Variants in TENT4A observed in about 807,000 individuals in gnomAD.
TENT4A encodes the protein DNA polymerase kappa.
A neutral mutation model predicts 72.8 loss-of-function variants in TENT4A; 7 were observed. The observed-to-expected ratio is 0.10, with a 90% CI of 0.05 to 0.18. The LOEUF (loss-of-function observed/expected upper bound fraction) is 0.18. Ranked by LOEUF, TENT4A falls within the 10% of genes least tolerant of loss-of-function variation. The pLI is 1.00. For missense variants in TENT4A, 831 were observed against 1,017.7 expected, an observed-to-expected ratio of 0.82 and a Z score of 2.50; for synonymous variants, 456 against 434.3, an observed-to-expected ratio of 1.05 and a Z score of -0.62.
At chr5:6,720,880 A>C (rs906995990) in intron 1 of TENT4A, among the ~76,000 whole-genome samples, 1 of 152,008 alleles carries the variant, frequency 6.6e-6, no homozygotes. Context: ...CAGTTCTCTT[A>C]AGTTGATAGC....
chr5:6,743,634 C>T, intron 5 of TENT4A, 78 bp from the exon 6 acceptor site: 1 of 1,185,750 alleles, frequency 8.4e-7, no homozygotes, highest in Non-Finnish European at 1.2e-6. Context: ...TCCTTTCTGT[C>T]TTGTGTGATT....
chr5:6,751,036 A>G lies in TENT4A; in HGVS notation c.1861-3A>G. The G allele has an allele frequency of 6.2e-7, 1 of 1,613,812 alleles. No individual in the cohort carries two copies. The highest frequency in any genetic ancestry group is 8.5e-7 in the Non-Finnish European group (1 of 1,179,768). The stretch of plus-strand genomic sequence containing the variant: ...CCTTTTTGTTTTTTGTACCGGGTTC[A>G]AGGATTCAGACACACCGCCCTGCAC... On this transcript the variant is annotated splice_region_variant and splice_polypyrimidine_tract_variant and intron_variant, in intron 10 of 12. Coordinates refer to ENST00000230859, the MANE Select transcript of TENT4A (RefSeq NM_006999.6).
intron 2 of TENT4A, 93 bp from the exon 3 acceptor site, chr5:6,738,590 G>A (rs533807976): frequency 1.1e-6 from 1 of 905,032 alleles, no homozygotes; most frequent in Non-Finnish European, 1.9e-6. Flanking sequence ...TTTACCCAAG[G>A]GTATAGTGAG....
intron 11 of TENT4A, among the ~76,000 whole-genome samples, chr5:6,752,233 C>T (rs1742443988): frequency 6.6e-6 from 1 of 152,220 alleles, no homozygotes; most frequent in African/African-American, 2.4e-5. Context: ...CACTCTGCGG[C>T]TGCTTGTGTG....
intron 1 of TENT4A, among the ~76,000 whole-genome samples, chr5:6,734,377 C>T (rs750906929): frequency 2.6e-5 from 4 of 152,216 alleles, no homozygotes; most frequent in Non-Finnish European, 4.4e-5. Flanking sequence ...TCAGGCCAGC[C>T]CAGAGGATGT....
intron 1 of TENT4A, among the ~76,000 whole-genome samples, chr5:6,726,879 G>A (rs1356174887): frequency 6.6e-6 from 1 of 152,110 alleles, no homozygotes; most frequent in Non-Finnish European, 1.5e-5. Context: ...CGGCCTTAGC[G>A]TGGCGGGGGG....
chr5:6,750,809 T>A (rs1742361027), intron 10 of TENT4A: 4 of 535,030 alleles, frequency 7.5e-6, no homozygotes, highest in South Asian at 3.1e-5. Flanking sequence ...AAAAAAAAAA[T>A]TAAATCCAAG....
chr5:6,754,802 G>A lies in TENT4A; in HGVS notation c.2236G>A (p.Gly746Ser), dbSNP rs780357525. The change falls in exon 13 of 13, where the codon GGC becomes AGC. Residue 746 changes from glycine to serine, a missense_variant. By Grantham distance (56) the Gly-to-Ser change is moderately conservative. Transcript: ENST00000230859. ...SMKGSHGHTQ[G>S]GGYSSVGSGG... ...GAAGGGCTCTCACGGCCACACCCAA[G>A]GCGGCGGCTACAGCTCTGTGGGTAG... 5.0e-6 allele frequency: 8 copies of A among 1,602,162 alleles called. No individual in the cohort carries two copies. In the Admixed American group the frequency reaches 1.3e-4, roughly 27 times the overall value.
intron 2 of TENT4A, 120 bp from the exon 3 acceptor site, chr5:6,738,563 C>T: frequency 1.3e-6 from 1 of 770,078 alleles, no homozygotes; most frequent in Non-Finnish European, 2.3e-6. Flanking sequence ...CCATCAGTTT[C>T]CAAGGTAGTT....
chr5:6,750,344 G>T lies in TENT4A; in HGVS notation c.1701G>T (p.Lys567Asn). Residue 567 changes from lysine (K) to asparagine (N), a missense_variant, in exon 10 of 13, where the codon AAG becomes AAT. Physicochemically the swap from Lys to Asn is moderately conservative, Grantham distance 94. This residue lies in a region of TENT4A where 332 missense variants were observed against 324.3 expected (regional missense o/e 1.02). Coordinates refer to ENST00000230859, the MANE Select transcript of TENT4A (RefSeq NM_006999.6). ...HPSPGMDSRI[K>N]IKERIATCNG... ...TTCCCTCCACAGACAGCAGGATCAA[G>T]ATCAAAGAGCGAATAGCCACATGCA... The T allele has an allele frequency of 6.2e-7, 1 of 1,611,288 alleles. No homozygotes were observed. Among genetic ancestry groups the T allele is most frequent in the South Asian group, 1.1e-5 (1 of 90,766 alleles).
At chr5:6,733,073 G>A (rs114905609) in intron 1 of TENT4A, among the ~76,000 whole-genome samples, 2,856 of 152,312 alleles carry the variant, frequency 0.019, 36 homozygotes, top group South Asian at 0.048. Context: ...CAGTTTGTCC[G>A]TTTAGCTCCT....
chr5:6,732,244 G>T (rs527954474), intron 1 of TENT4A, among the ~76,000 whole-genome samples: 1 of 152,334 alleles, frequency 6.6e-6, no homozygotes, highest in East Asian at 1.9e-4. Context: ...TTCAAAACCA[G>T]CCAGTCCTCC....
chr5:6,714,761 G>C (rs1271018207), intron 1 of TENT4A, 62 bp downstream of exon 1: 3 of 956,252 alleles, frequency 3.1e-6, no homozygotes, highest in South Asian at 5.3e-5. Flanking sequence ...CGGCGCCCGC[G>C]GTGCAGACAC....
chr5:6,750,563 C>T (rs984087773), intron 10 of TENT4A, 60 bp downstream of exon 10: 39 of 1,421,572 alleles, frequency 2.7e-5, no homozygotes, highest in Non-Finnish European at 3.7e-5. Context: ...GGTAAATGTC[C>T]ATAGCCGCGA....
chr5:6,713,916 G>T lies in TENT4A; in HGVS notation c.-68G>T, dbSNP rs1166225547. The T allele has an allele frequency of 4.5e-6, 3 of 665,126 alleles. No individual in the cohort carries two copies. Among genetic ancestry groups the T allele is most frequent in the Non-Finnish European group, 5.5e-6 (3 of 540,926 alleles). 41.2% of individuals were successfully genotyped at this position (665,126 alleles called of 1,614,324 possible). A position where few individuals can be genotyped will look rare whatever the true frequency, so the allele number is the denominator to read the frequency against. On this transcript the variant is annotated 5_prime_UTR_variant, in exon 1 of 13. Transcript: ENST00000230859. ...GTCCGTGCGCGCGCGGCCGGGCCTCGGGGCGCGGCGGGGGCGGGGCCGCGT... is the reference window on the plus strand; with the variant it reads ...GTCCGTGCGCGCGCGGCCGGGCCTCTGGGCGCGGCGGGGGCGGGGCCGCGT...
At chr5:6,753,064 C>T (rs751084046) in intron 12 of TENT4A, 27 bp downstream of exon 12, 2 of 1,567,946 alleles carry the variant, frequency 1.3e-6, no homozygotes, top group African/African-American at 1.3e-5. Flanking sequence ...GTGCATTCAC[C>T]TACCTGTTCA....
intron 1 of TENT4A, among the ~76,000 whole-genome samples, chr5:6,724,012 C>T (rs1307574949): frequency 2.6e-5 from 4 of 152,194 alleles, no homozygotes; most frequent in African/African-American, 4.8e-5. Flanking sequence ...GGACTGGCAG[C>T]GCAGCTGCCT....
intron 1 of TENT4A, among the ~76,000 whole-genome samples, chr5:6,729,862 T>C (rs991072707): frequency 1.3e-5 from 2 of 152,030 alleles, no homozygotes; most frequent in Non-Finnish European, 2.9e-5. Context: ...TGGTGTGGGG[T>C]GGTTCTGAGT....
At chr5:6,743,663 T>G in intron 5 of TENT4A, 49 bp from the exon 6 acceptor site, 1 of 1,443,544 alleles carries the variant, frequency 6.9e-7, no homozygotes, top group South Asian at 1.2e-5. Flanking sequence ...GAAATCTCTT[T>G]GAAAGTATGG....
Sources: allele counts gnomAD v4.1 joint callset (sites outside exome capture counted in the v4.1 genomes callset), GRCh38; gene constraint gnomAD v4.1.1; regional missense constraint gnomAD v4.1.1; transcripts MANE v1.5; gene names NCBI Gene and HGNC (gene_info 2026-07-23, HGNC 2026-07-21).